Variants in AMN observed in about 807,000 individuals in gnomAD.
AMN encodes the protein protein amnionless.
A neutral mutation model predicts 49.1 loss-of-function variants in AMN; 40 were observed. The observed-to-expected ratio is 0.81, with a 90% CI of 0.63 to 1.06. AMN has a LOEUF of 1.06. Among genes scored for constraint, AMN ranks in the 50% least tolerant of loss-of-function variants. The probability of loss-of-function intolerance (pLI) is 0.00; values close to 1 mark genes in which losing one functional copy is unlikely to be tolerated. For synonymous variants in AMN, 380 were observed against 313.3 expected, an observed-to-expected ratio of 1.21 and a Z score of -2.25; for missense variants, 701 against 662.8, an observed-to-expected ratio of 1.06 and a Z score of -0.63.
chr14:102,926,603 T>G (rs891552301), intron 3 of AMN, among the ~76,000 whole-genome samples: 2 of 151,644 alleles, frequency 1.3e-5, no homozygotes, highest in Non-Finnish European at 2.9e-5. Flanking sequence ...TTTTTTTTTT[T>G]TGAGATGGAG....
In AMN at chr14:102,929,752, C is replaced by T. The variant is rs1247235916; in HGVS notation, c.843+15C>T. On this transcript the variant is annotated intron_variant, in intron 8 of 11. Transcript: ENST00000299155. ...TCCTGGGTCTGGTAATGGGGCCGCG[C>T]GGGCAGCTGAGGGGAGTCCCGACCC... 8 of 1,549,280 alleles carry T rather than the reference C, an allele frequency of 5.2e-6. No homozygotes were observed. The highest frequency in any genetic ancestry group is 7.0e-6 in the Non-Finnish European group (8 of 1,146,792).
intron 3 of AMN, among the ~76,000 whole-genome samples, chr14:102,926,565 A>G (rs1555380985): frequency 6.7e-6 from 1 of 148,912 alleles, no homozygotes; most frequent in Non-Finnish European, 1.5e-5. Flanking sequence ...TACCACCACC[A>G]CCACCAAAAA....
At position 102,928,881 on chromosome 14, in the gene AMN, A is replaced by G; in HGVS notation, c.419A>G (p.Asp140Gly). 1 of 1,603,996 alleles carries G rather than the reference A, an allele frequency of 6.2e-7. No homozygotes were observed. Among genetic ancestry groups the G allele is most frequent in the Non-Finnish European group, 8.5e-7 (1 of 1,179,778 alleles). The change falls in exon 5 of 12, where the codon GAC becomes GGC. Residue 140 changes from aspartate (D) to glycine (G), a missense_variant. Transcript: ENST00000299155. Reference protein sequence around the residue: ...VDAERVPCRHDDVFFPPSASF... With the variant: ...VDAERVPCRHGDVFFPPSASF... ...GCCGAGCGCGTGCCCTGCCGCCACG[A>G]CGACGTCTTCTTTCCGCCTAGTGCC...
chr14:102,926,397 T>A (rs1190230), intron 3 of AMN, among the ~76,000 whole-genome samples: 4 of 151,950 alleles, frequency 2.6e-5, no homozygotes, highest in Middle Eastern at 6.8e-3. Context: ...TCTCTGAGCC[T>A]TGTCTTCAAG....
rs758403487 is a variant in AMN, at chr14:102,929,247, G to C, written c.640G>C (p.Gly214Arg). 1.0e-5 allele frequency: 15 copies of C among 1,496,834 alleles called. No homozygotes were observed. The highest frequency in any genetic ancestry group is 1.3e-5 in the Non-Finnish European group (15 of 1,133,514). The allele number at this position is 1,496,834 out of a possible 1,614,324, so 92.7% of individuals were successfully genotyped here. A position where few individuals can be genotyped will look rare whatever the true frequency, so the allele number is the denominator to read the frequency against. The change falls in exon 6 of 12, where the codon GGC (glycine) becomes CGC (arginine). Residue 214 changes from glycine (G) to arginine (R), a missense_variant. Physicochemically the swap from Gly to Arg is moderately radical, Grantham distance 125. Coordinates refer to ENST00000299155, the MANE Select transcript of AMN (RefSeq NM_030943.4). Reference sequence around the variant, plus strand: ...CGCGGACCCGTCGGGCTGCGTCTGCGGCAACGCGGAGGTGAGCGAGGCCGC... The same window carrying C: ...CGCGGACCCGTCGGGCTGCGTCTGCCGCAACGCGGAGGTGAGCGAGGCCGC... The part of the protein sequence containing the change: ...DCADPSGCVC[G>R]NAEAQPWICA...
rs1457124503 is a variant in AMN at position 102,930,074 on chromosome 14, G to A, written c.994G>A (p.Val332Ile). Residue 332 changes from valine to isoleucine, a missense_variant, in exon 9 of 12, where the codon GTC (valine) becomes ATC (isoleucine). Coordinates refer to ENST00000299155, the MANE Select transcript of AMN (RefSeq NM_030943.4). ...GRLARALLAD[V>I]AENGEALGVL... is the part of the protein sequence containing the mutation. ...GCTGGCCCGGGCCCTCCTGGCGGACGTCGCCGAGAACGGTAACCGCGCCCG... is the reference window on the plus strand; with the variant it reads ...GCTGGCCCGGGCCCTCCTGGCGGACATCGCCGAGAACGGTAACCGCGCCCG... 1 of 1,541,740 alleles carries A rather than the reference G, an allele frequency of 6.5e-7. No homozygotes were observed. The highest frequency in any genetic ancestry group is 2.5e-5 in the East Asian group (1 of 40,570).
intron 11 of AMN, 36 bp from the exon 12 acceptor site, chr14:102,930,540 C>T (rs1328279535): frequency 6.5e-6 from 10 of 1,546,910 alleles, no homozygotes; most frequent in African/African-American, 1.4e-5. Flanking sequence ...GGCCGGGACT[C>T]GGCGCCGACC....
chr14:102,930,245 G>T lies in AMN; in HGVS notation c.1087G>T (p.Gly363Cys). Residue 363 changes from glycine to cysteine, a missense_variant, in exon 10 of 12, where the codon GGC (glycine) becomes TGC (cysteine). By Grantham distance (159) the Gly-to-Cys change is radical (BLOSUM62 -3). Coordinates refer to ENST00000299155, the MANE Select transcript of AMN (RefSeq NM_030943.4). ...VWGSSAAGLA[G>C]GVAAAVLLAL... Reference sequence around the variant, plus strand: ...GGGCAGCTCCGCGGCTGGGCTGGCGGGCGGCGTGGCGGCTGCCGTGCTGCT... The same window carrying T: ...GGGCAGCTCCGCGGCTGGGCTGGCGTGCGGCGTGGCGGCTGCCGTGCTGCT... 7.2e-7 allele frequency: 1 copy of T among 1,380,124 alleles called. No individual in the cohort carries two copies. Among genetic ancestry groups the T allele is most frequent in the Non-Finnish European group, 9.4e-7 (1 of 1,069,390 alleles). The allele number at this position is 1,380,124 out of a possible 1,614,324, so 85.5% of individuals were successfully genotyped here.
At chr14:102,923,342 C>T in intron 1 of AMN, 1 of 337,856 alleles carries the variant, frequency 3.0e-6, no homozygotes, top group South Asian at 2.7e-5. Context: ...ATTCCAAGGC[C>T]GAGAAGAGGT....
At chr14:102,928,132 C>T (rs945323027) in intron 3 of AMN, among the ~76,000 whole-genome samples, 5 of 152,270 alleles carry the variant, frequency 3.3e-5, no homozygotes, top group African/African-American at 9.6e-5. Flanking sequence ...CTCCCCACGG[C>T]TCCGTCTCGC....
At position 102,929,123 on chromosome 14, in the gene AMN, G is replaced by C. The variant is rs779099559; in HGVS notation, c.516G>C (p.Thr172=). Residue 172 remains threonine, a splice_region_variant and synonymous_variant, in exon 6 of 12, where the codon ACG becomes ACC. Transcript: ENST00000299155. The stretch of plus-strand genomic sequence containing the variant: ...GGTGGGGACCCGGCTGCCCGCAGAC[G>C]TTCACGCGCGACGAGGACCTGGCTG... ...RVRSISALGR[T]FTRDEDLAVF... The C allele has an allele frequency of 4.4e-6, 7 of 1,597,528 alleles. No individual in the cohort carries two copies. In the East Asian group the frequency reaches 1.3e-4, roughly 31 times the overall value.
chr14:102,928,659 G>C, intron 4 of AMN, 99 bp from the exon 5 acceptor site: 9 of 1,507,974 alleles, frequency 6.0e-6, no homozygotes, highest in Non-Finnish European at 7.2e-6. Context: ...TCCCGAAGCG[G>C]GGCTTGGGAG....
At chr14:102,928,368 G>A in intron 3 of AMN, 58 bp from the exon 4 acceptor site, 3 of 1,466,998 alleles carry the variant, frequency 2.0e-6, no homozygotes, top group Admixed American at 2.0e-5. Flanking sequence ...GGGGCGGGGT[G>A]GGCGCGGAGC....
chr14:102,923,305 G>A, intron 1 of AMN: 1 of 313,354 alleles, frequency 3.2e-6, no homozygotes, highest in Non-Finnish European at 6.1e-6. Context: ...CCCGGCCCAG[G>A]TAGGACTCCT....
Position 102,930,255 on chromosome 14 carries a change from C to T in AMN, c.1097C>T (p.Ala366Val). 2 of 1,378,914 alleles carry T rather than the reference C, an allele frequency of 1.5e-6. No homozygotes were observed. Among genetic ancestry groups the T allele is most frequent in the Non-Finnish European group, 9.4e-7 (1 of 1,068,742 alleles). 85.4% of individuals were successfully genotyped at this position (1,378,914 alleles called of 1,614,324 possible). Residue 366 changes from alanine to valine, a missense_variant, in exon 10 of 12, where the codon GCG (alanine) becomes GTG (valine). Ala to Val is a moderately conservative substitution (Grantham distance 64, BLOSUM62 0). Coordinates refer to ENST00000299155, the MANE Select transcript of AMN (RefSeq NM_030943.4). ...SSAAGLAGGV[A>V]AAVLLALLVL... ...GCGGCTGGGCTGGCGGGCGGCGTGGCGGCTGCCGTGCTGCTGGCGCTGCTG... is the reference window on the plus strand; with the variant it reads ...GCGGCTGGGCTGGCGGGCGGCGTGGTGGCTGCCGTGCTGCTGGCGCTGCTG...
Position 102,929,998 on chromosome 14 carries a change from G to A in AMN, c.918G>A (p.Glu306=), listed in dbSNP as rs760766577. Residue 306 remains glutamate (E), a synonymous_variant, in exon 9 of 12, where the codon GAG becomes GAA. Transcript: ENST00000299155. ...CCCGGCTCCGTGAGGCCGATACGGA[G>A]ATCCAGGTGGTGCTGGTGGAGAATG... The part of the protein sequence containing the change: ...RSSRLREADT[E]IQVVLVENGP... 8 of 1,561,458 alleles carry A rather than the reference G, an allele frequency of 5.1e-6. No individual in the cohort carries two copies. In the Admixed American group the frequency reaches 1.5e-4, roughly 30 times the overall value.
Position 102,930,691 on chromosome 14 carries a change from G to A in AMN, c.*11G>A, listed in dbSNP as rs772692254. ...GAGGCCGAGGCCTGAGCGGCCGCCT[G>A]ACCGTCGACCTTGGGGCTCTCCACC... On this transcript the variant is annotated 3_prime_UTR_variant, in exon 12 of 12. Transcript: ENST00000299155. 8.9e-6 allele frequency: 14 copies of A among 1,568,626 alleles called. No individual in the cohort carries two copies. The East Asian group carries it at 3.1e-4, about 34-fold the overall frequency.
At chr14:102,927,163 G>C (rs1891206737) in intron 3 of AMN, among the ~76,000 whole-genome samples, 3 of 152,098 alleles carry the variant, frequency 2.0e-5, no homozygotes, top group Admixed American at 1.3e-4. Flanking sequence ...CAAAGTGTTG[G>C]GATTACAGGC....
At position 102,928,902 on chromosome 14, in the gene AMN, G is replaced by C. The variant is rs1454376325; in HGVS notation, c.440G>C (p.Ser147Thr). The C allele has an allele frequency of 2.5e-6, 4 of 1,603,086 alleles. No homozygotes were observed. Among genetic ancestry groups the C allele is most frequent in the Middle Eastern group, 1.6e-4 (1 of 6,084 alleles). ...CRHDDVFFPP[S>T]ASFRVGLGPG... is the part of the protein sequence containing the mutation. Reference sequence around the variant, plus strand: ...CACGACGACGTCTTCTTTCCGCCTAGTGCCTCCTTCCGCGTGGGGCTCGGC... The same window carrying C: ...CACGACGACGTCTTCTTTCCGCCTACTGCCTCCTTCCGCGTGGGGCTCGGC... The change falls in exon 5 of 12, where the codon AGT becomes ACT. Residue 147 changes from serine to threonine, a missense_variant. By Grantham distance (58) the Ser-to-Thr change is moderately conservative. Coordinates refer to ENST00000299155, the MANE Select transcript of AMN (RefSeq NM_030943.4).
Sources: gnomAD v4.1 joint callset for allele counts (sites outside exome capture counted in the v4.1 genomes callset) on GRCh38, gnomAD v4.1.1 for gene constraint, MANE v1.5 for transcripts, NCBI Gene and HGNC (gene_info 2026-07-23, HGNC 2026-07-21) for gene names.